Variants in PKD2L2 observed in about 807,000 individuals in gnomAD.
PKD2L2 encodes polycystin 2 like 2, transient receptor potential cation channel.
A neutral mutation model predicts 83.9 loss-of-function variants in PKD2L2; 67 were observed. The ratio of observed to expected loss-of-function variants is 0.80; its 90% CI spans 0.66 to 0.98. PKD2L2 has a LOEUF of 0.98. Among genes scored for constraint, PKD2L2 ranks in the 50% least tolerant of loss-of-function variants. The pLI, the probability that PKD2L2 is intolerant of heterozygous loss-of-function variation, is 0.00. For synonymous variants in PKD2L2, 223 were observed against 237.8 expected, an observed-to-expected ratio of 0.94 and a Z score of 0.57; for missense variants, 632 against 717.2, an observed-to-expected ratio of 0.88 and a Z score of 1.36.
In PKD2L2 at chr5:137,906,362, CA is replaced by C. The variant is rs758905083; in HGVS notation, c.910del (p.Ile304Ter). 6 of 1,607,742 alleles carry C rather than the reference CA, an allele frequency of 3.7e-6. No individual in the cohort carries two copies. The highest frequency in any genetic ancestry group is 2.2e-5 in the East Asian group (1 of 44,788). ...TTTTTGTCTTCACAACACAAGAAGT[CA>C]AAAAAATAAAAGAATTTAAGTCTGC... ...FLFVFTTQEV[K>X]KIKEFKSAYF... On this transcript the variant is annotated frameshift_variant, in exon 6 of 15. Coordinates refer to ENST00000508883, the MANE Select transcript of PKD2L2 (RefSeq NM_001300921.2). LOFTEE classifies it high-confidence loss of function.
rs1042036598 is a variant in PKD2L2 at position 137,893,195 on chromosome 5, A to C, written c.267+582A>C. On this transcript the variant is annotated intron_variant, in intron 3 of 14. Transcript: ENST00000508883. ...TGTATAGTGAAATTTACTTTTAAAAATTTCTTTAATTGCCCAGAAAGTGTA... is the reference window on the plus strand; with the variant it reads ...TGTATAGTGAAATTTACTTTTAAAACTTTCTTTAATTGCCCAGAAAGTGTA... Among the ~76,000 whole-genome samples, 38 of 152,210 alleles carry C rather than the reference A, an allele frequency of 2.5e-4. 1 individual carries two copies. Among genetic ancestry groups the C allele is most frequent in the African/African-American group, 8.4e-4 (35 of 41,446 alleles).
At chr5:137,942,309 G>T in intron 14 of PKD2L2, 75 bp from the exon 15 acceptor site, 1 of 426,488 alleles carries the variant, frequency 2.3e-6, no homozygotes. Flanking sequence ...AGAACAAAAA[G>T]ATCAACTCGC....
At chr5:137,913,621 G>C (rs1476698558) in intron 8 of PKD2L2, among the ~76,000 whole-genome samples, 1 of 151,866 alleles carries the variant, frequency 6.6e-6, no homozygotes, top group Non-Finnish European at 1.5e-5. Context: ...CTCCAGAGTA[G>C]CTGGGACTAT....
At chr5:137,921,607 A>T in intron 8 of PKD2L2, 29 bp from the exon 9 acceptor site, 1 of 1,432,066 alleles carries the variant, frequency 7.0e-7, no homozygotes, top group East Asian at 2.3e-5. Context: ...ATAAAGGTAT[A>T]TATTTTCTAC....
At chr5:137,890,404 T>C (rs1413347071) in intron 1 of PKD2L2, 77 bp from the exon 2 acceptor site, 4 of 756,756 alleles carry the variant, frequency 5.3e-6, no homozygotes, top group Non-Finnish European at 6.8e-6. Flanking sequence ...GGACTAAAAG[T>C]GGCTGTGGTT....
chr5:137,893,414 A>C (rs1392655502), intron 3 of PKD2L2, among the ~76,000 whole-genome samples: 1 of 152,208 alleles, frequency 6.6e-6, no homozygotes, highest in Non-Finnish European at 1.5e-5. Context: ...ATTATGAAGA[A>C]AGAACAGTTA....
At chr5:137,913,734 A>T (rs1227342320) in intron 8 of PKD2L2, among the ~76,000 whole-genome samples, 4 of 151,200 alleles carry the variant, frequency 2.6e-5, no homozygotes, top group Non-Finnish European at 2.9e-5. Flanking sequence ...TATTTTTAGA[A>T]ACTAGGTCTC....
chr5:137,918,969 A>AGT lies in PKD2L2; in HGVS notation c.1329-2650_1329-2649dup, dbSNP rs759318916. On this transcript the variant is annotated intron_variant, in intron 8 of 14. Coordinates refer to ENST00000508883, the MANE Select transcript of PKD2L2 (RefSeq NM_001300921.2). ...ATGTGTGTGTGTGTGTGTGTGTGTG[A>AGT]GTGTGTGTGTGTGTGTGTAGGGAGA... is the stretch of plus-strand genomic sequence containing the variant. Among the ~76,000 whole-genome samples, 1,294 of 131,734 alleles carry AGT rather than the reference A, an allele frequency of 9.8e-3. 9 individuals carry two copies. The highest frequency in any genetic ancestry group is 0.041 in the East Asian group (158 of 3,834). 86.4% of individuals were successfully genotyped at this position (131,734 alleles called of 152,430 possible). A position where few individuals can be genotyped will look rare whatever the true frequency, so the allele number is the denominator to read the frequency against.
rs372850737 is a variant in PKD2L2 at position 137,899,595 on chromosome 5, T to G, written c.604T>G (p.Phe202Val). 1.2e-6 allele frequency: 2 copies of G among 1,613,908 alleles called. No individual in the cohort carries two copies. Among genetic ancestry groups the G allele is most frequent in the African/African-American group, 2.7e-5 (2 of 74,948 alleles). The change falls in exon 5 of 15, where the codon TTC becomes GTC. Residue 202 changes from phenylalanine to valine, a missense_variant. Physicochemically the swap from Phe to Val is conservative, Grantham distance 50 (BLOSUM62 -1). Transcript: ENST00000508883. The part of the protein sequence containing the change: ...LGVYRNGGYI[F>V]TLSKSKSETK... ...TGTTTACCGAAATGGGGGATACATT[T>G]TCACTTTATCAAAATCGAAATCTGA... is the stretch of plus-strand genomic sequence containing the variant.
intron 8 of PKD2L2, among the ~76,000 whole-genome samples, chr5:137,909,709 A>AT (rs1346988307): frequency 9.3e-5 from 14 of 150,966 alleles, no homozygotes; most frequent in African/African-American, 3.2e-4. Context: ...CAATTTTTGT[A>AT]TTTTTTGTAG....
chr5:137,910,509 G>A (rs1038772316), intron 8 of PKD2L2, among the ~76,000 whole-genome samples: 9 of 151,620 alleles, frequency 5.9e-5, no homozygotes, highest in African/African-American at 1.2e-4. Flanking sequence ...GCGATGGTTC[G>A]CGCCTGTAAT....
chr5:137,935,719 T>A, intron 12 of PKD2L2, 78 bp from the exon 13 acceptor site: 1 of 778,818 alleles, frequency 1.3e-6, no homozygotes. Context: ...AGATCCTCAA[T>A]CCTGTGATGC....
intron 8 of PKD2L2, among the ~76,000 whole-genome samples, chr5:137,911,762 TCTAA>T (rs1757858851): frequency 6.7e-6 from 1 of 149,978 alleles, no homozygotes; most frequent in East Asian, 1.9e-4. Flanking sequence ...ATTTATTCTG[TCTAA>T]CTGAAATTTT....
intron 8 of PKD2L2, among the ~76,000 whole-genome samples, chr5:137,916,500 GAC>G (rs1379281147): frequency 4.5e-5 from 4 of 88,022 alleles, no homozygotes; most frequent in African/African-American, 1.7e-4. Context: ...TTTTTTTTGA[GAC>G]AGAGTATTGC....
At chr5:137,911,601 T>C (rs149145067) in intron 8 of PKD2L2, among the ~76,000 whole-genome samples, 2,675 of 152,302 alleles carry the variant, frequency 0.018, 40 homozygotes, top group Non-Finnish European at 0.025. Flanking sequence ...CATGTATACA[T>C]TGTGAAATGA....
intron 9 of PKD2L2, among the ~76,000 whole-genome samples, chr5:137,922,067 T>C (rs1477572066): frequency 6.6e-6 from 1 of 152,238 alleles, no homozygotes; most frequent in African/African-American, 2.4e-5. Context: ...TGGCCATTAA[T>C]ATTCTGCCCA....
Position 137,942,674 on chromosome 5 carries a change from T to TAAA in PKD2L2, c.*310_*311insAAA. Reference sequence around the variant, plus strand: ...CACTGTGCCTGGCTAGATTTTTTTTTAATTTTTGAAATACAGTAATGTTTT... The same window carrying TAAA: ...CACTGTGCCTGGCTAGATTTTTTTTTAAAAATTTTTGAAATACAGTAATGTTTT... On this transcript the variant is annotated 3_prime_UTR_variant, in exon 15 of 15. Transcript: ENST00000508883. 1 of 546,726 alleles carries TAAA rather than the reference T, an allele frequency of 1.8e-6. No homozygotes were observed. The highest frequency in any genetic ancestry group is 3.1e-6 in the Non-Finnish European group (1 of 326,756). 33.9% of individuals were successfully genotyped at this position (546,726 alleles called of 1,614,324 possible).
intron 12 of PKD2L2, among the ~76,000 whole-genome samples, chr5:137,934,921 G>C (rs1239375560): frequency 6.6e-6 from 1 of 152,080 alleles, no homozygotes; most frequent in East Asian, 1.9e-4. Context: ...TTTAAAGAAA[G>C]GCACTCTCTA....
chr5:137,909,992 G>A (rs1262680978), intron 8 of PKD2L2, among the ~76,000 whole-genome samples: 1 of 152,046 alleles, frequency 6.6e-6, no homozygotes, highest in Non-Finnish European at 1.5e-5. Flanking sequence ...GGGAGGCCAA[G>A]ATGGGAGAAT....
Sources: allele counts gnomAD v4.1 joint callset (sites outside exome capture counted in the v4.1 genomes callset), GRCh38; gene constraint gnomAD v4.1.1; transcripts MANE v1.5; gene names NCBI Gene and HGNC (gene_info 2026-07-23, HGNC 2026-07-21).